The following MAP1LC3A variants were observed in gnomAD, a reference collection of about 807,000 sequenced individuals.
MAP1LC3A encodes microtubule associated protein 1 light chain 3 alpha.
MAP1LC3A carries 10 observed loss-of-function variants against 15.2 expected under a neutral mutation model. The ratio of observed to expected loss-of-function variants is 0.66; its 90% CI spans 0.41 to 1.12. The LOEUF is 1.12. Among genes scored for constraint, MAP1LC3A ranks in the 50% most tolerant of loss-of-function variants. The pLI, the probability that MAP1LC3A is intolerant of heterozygous loss-of-function variation, is 0.00. For missense variants in MAP1LC3A, 138 were observed against 167.3 expected, an observed-to-expected ratio of 0.82 and a Z score of 0.97; for synonymous variants, 63 against 64.3, an observed-to-expected ratio of 0.98 and a Z score of 0.10.
upstream of MAP1LC3A, chr20:34,558,031 G>GTCTTT (rs1201129855): frequency 2.0e-6 from 2 of 979,408 alleles, no homozygotes; most frequent in East Asian, 2.3e-4. The surrounding 1 kb of genome is among the most constrained non-coding windows in gnomAD (Gnocchi z 4.3). Flanking sequence ...GTCTCTGCAG[G>GTCTTT]TCTTTCAGTG....
intron 1 of MAP1LC3A, chr20:34,549,785 G>A (rs555739012): frequency 3.7e-5 from 20 of 545,908 alleles, no homozygotes; most frequent in Middle Eastern, 4.1e-4. Context: ...TGGCACTGGT[G>A]GGCGTGTCTT....
chr20:34,555,484 G>A (rs6059913), upstream of MAP1LC3A, among the ~76,000 whole-genome samples: 65,516 of 151,424 alleles, frequency 0.43, 14,726 homozygotes, highest in Non-Finnish European at 0.5. Context: ...CTCACTATGT[G>A]GCCCAGGCTG....
intron 2 of MAP1LC3A, chr20:34,550,034 G>A: frequency 6.2e-7 from 1 of 1,614,078 alleles, no homozygotes; most frequent in Non-Finnish European, 8.5e-7. Context: ...ACCCAGGTCT[G>A]TCTGGCCCGC....
Position 34,559,210 on chromosome 20 carries a change from G to A in MAP1LC3A, c.43G>A (p.Asp15Asn). Residue 15 changes from aspartate to asparagine, a missense_variant and splice_region_variant, in exon 2 of 4, where the codon GAC becomes AAC. Physicochemically the swap from Asp to Asn is conservative, Grantham distance 23. Coordinates refer to ENST00000360668, the MANE Select transcript of MAP1LC3A (RefSeq NM_032514.4). ...RPFKQRRSFA[D>N]RCKEVQQIRD... The stretch of plus-strand genomic sequence containing the variant: ...CACGGTCTGGCCGCTGTCCGCAGCC[G>A]ACCGCTGTAAGGAGGTACAGCAGAT... 1 of 1,595,888 alleles carries A rather than the reference G, an allele frequency of 6.3e-7. No homozygotes were observed. The highest frequency in any genetic ancestry group is 2.3e-5 in the East Asian group (1 of 43,476).
At chr20:34,547,521 A>G (rs1395568544) in intron 1 of MAP1LC3A, among the ~76,000 whole-genome samples, 1 of 148,770 alleles carries the variant, frequency 6.7e-6, no homozygotes, top group Non-Finnish European at 1.5e-5. Context: ...TATAATCCCC[A>G]TAATCCCCAG....
chr20:34,549,299 TACAGGCA>T (rs1180609555), intron 1 of MAP1LC3A, among the ~76,000 whole-genome samples: 1 of 152,226 alleles, frequency 6.6e-6, no homozygotes, highest in Non-Finnish European at 1.5e-5. Context: ...GTGCTGGGAT[TACAGGCA>T]CGAGCCACCA....
chr20:34,554,200 C>A (rs933049065), upstream of MAP1LC3A, among the ~76,000 whole-genome samples: 4 of 152,082 alleles, frequency 2.6e-5, no homozygotes, highest in African/African-American at 9.7e-5. Context: ...CTGTGAGTGA[C>A]AGGTTTGCTC....
In MAP1LC3A at chr20:34,559,404, T is replaced by C. The variant is rs1320640788; in HGVS notation, c.154T>C (p.Phe52Leu). The C allele has an allele frequency of 6.2e-7, 1 of 1,606,068 alleles. No homozygotes were observed. The highest frequency in any genetic ancestry group is 8.5e-7 in the Non-Finnish European group (1 of 1,176,598). Reference sequence around the variant, plus strand: ...GCTGCCCGTCCTGGACAAGACCAAGTTTTTGGTCCCGGACCATGTCAACAT... The same window carrying C: ...GCTGCCCGTCCTGGACAAGACCAAGCTTTTGGTCCCGGACCATGTCAACAT... Reference protein sequence around the residue: ...KQLPVLDKTKFLVPDHVNMSE... With the variant: ...KQLPVLDKTKLLVPDHVNMSE... Residue 52 changes from phenylalanine (F) to leucine (L), a missense_variant, in exon 3 of 4, where the codon TTT (phenylalanine) becomes CTT (leucine). Phe to Leu is a conservative substitution (Grantham distance 22). Transcript: ENST00000360668.
chr20:34,558,697 ATGT>A (rs1340143898), upstream of MAP1LC3A: 2 of 1,263,186 alleles, frequency 1.6e-6, no homozygotes, highest in Admixed American at 8.6e-5. The surrounding 1 kb of genome is among the most constrained non-coding windows in gnomAD (Gnocchi z 4.3). Context: ...CCTTTAAGGA[ATGT>A]TGTGACCTGA....
chr20:34,559,101 G>T, intron 1 of MAP1LC3A, 107 bp from the exon 2 acceptor site: 1 of 1,348,716 alleles, frequency 7.4e-7, no homozygotes, highest in East Asian at 2.9e-5. Context: ...GATGGCCCCG[G>T]GGGTGGGGGC....
chr20:34,553,081 C>T (rs1022570107), intron 2 of MAP1LC3A, among the ~76,000 whole-genome samples: 1 of 151,976 alleles, frequency 6.6e-6, no homozygotes, highest in African/African-American at 2.4e-5. Context: ...CCCAGCCACT[C>T]GGGAGGCTGA....
upstream of MAP1LC3A, among the ~76,000 whole-genome samples, chr20:34,556,275 A>G (rs1023521813): frequency 6.6e-6 from 1 of 152,228 alleles, no homozygotes; most frequent in Non-Finnish European, 1.5e-5. Flanking sequence ...TCTGTGGCCA[A>G]AGAATATGGT....
rs143129907 is a variant in MAP1LC3A, at chr20:34,559,397, G to A, written c.147G>A (p.Lys49=). ...KGEKQLPVLD[K]TKFLVPDHVN... ...AGAAGCAGCTGCCCGTCCTGGACAA[G>A]ACCAAGTTTTTGGTCCCGGACCATG... The change falls in exon 3 of 4, where the codon AAG becomes AAA. Residue 49 remains lysine (K), a synonymous_variant. Coordinates refer to ENST00000360668, the MANE Select transcript of MAP1LC3A (RefSeq NM_032514.4). 9.4e-5 allele frequency: 149 copies of A among 1,581,354 alleles called. 1 individual carries two copies. The African/African-American group carries it at 2.0e-3, about 21-fold the overall frequency.
chr20:34,547,802 A>G (rs1455168029), intron 1 of MAP1LC3A, among the ~76,000 whole-genome samples: 1 of 152,156 alleles, frequency 6.6e-6, no homozygotes, highest in African/African-American at 2.4e-5. Flanking sequence ...TCTTCACAGC[A>G]GTGTGAGAAT....
At chr20:34,547,805 G>C (rs1338667852) in intron 1 of MAP1LC3A, among the ~76,000 whole-genome samples, 1 of 152,174 alleles carries the variant, frequency 6.6e-6, no homozygotes, top group Non-Finnish European at 1.5e-5. Context: ...TCACAGCAGT[G>C]TGAGAATGGA....
At chr20:34,553,834 A>C (rs1417724206), upstream of MAP1LC3A, among the ~76,000 whole-genome samples, 1 of 152,200 alleles carries the variant, frequency 6.6e-6, no homozygotes, top group East Asian at 1.9e-4. Flanking sequence ...ATCTTTCATT[A>C]AACAGGGTGT....
intron 2 of MAP1LC3A, among the ~76,000 whole-genome samples, chr20:34,550,212 TG>T (rs957428202): frequency 1.4e-4 from 22 of 152,108 alleles, no homozygotes; most frequent in African/African-American, 5.3e-4. Context: ...ACGGCAGGAA[TG>T]AGGGGTGGGA....
intron 1 of MAP1LC3A, 32 bp from the exon 2 acceptor site, chr20:34,559,174 CGA>C: frequency 6.5e-7 from 1 of 1,536,430 alleles, no homozygotes; most frequent in Non-Finnish European, 8.8e-7. Flanking sequence ...TGGGCCGGCC[CGA>C]CCCGGCCTCA....
chr20:34,547,730 C>A (rs766687005), intron 1 of MAP1LC3A, among the ~76,000 whole-genome samples: 2 of 152,122 alleles, frequency 1.3e-5, no homozygotes, highest in Non-Finnish European at 2.9e-5. Context: ...GCCTCCCCAG[C>A]CATGCAGAAC....
Sources: gnomAD v4.1 joint callset for allele counts (sites outside exome capture counted in the v4.1 genomes callset) on GRCh38, gnomAD v4.1.1 for gene constraint, Gnocchi (gnomAD v3.1) non-coding constraint, MANE v1.5 for transcripts, NCBI Gene and HGNC (gene_info 2026-07-23, HGNC 2026-07-21) for gene names.